Variants in POU2F3 observed in about 807,000 individuals in gnomAD.
The protein encoded by POU2F3 is POU domain, class 2, transcription factor 3.
POU2F3 carries 23 observed loss-of-function variants against 59.2 expected under a neutral mutation model. That is an observed-to-expected ratio of 0.39 (90% CI 0.28 to 0.55). The LOEUF is 0.55. POU2F3 is among the 20% of genes least tolerant of loss of function. POU2F3 has a pLI of 0.66. For synonymous variants in POU2F3, 190 were observed against 214.6 expected, an observed-to-expected ratio of 0.89 and a Z score of 1.00; for missense variants, 473 against 544.5, an observed-to-expected ratio of 0.87 and a Z score of 1.31.
chr11:120,307,806 G>A (rs1941540695), intron 9 of POU2F3, among the ~76,000 whole-genome samples, 191 bp downstream of exon 9: 1 of 152,080 alleles, frequency 6.6e-6, no homozygotes, highest in East Asian at 1.9e-4. Flanking sequence ...TCAGGTTCCA[G>A]GAACCTCCTC....
At chr11:120,264,190 T>A (rs912734772) in intron 2 of POU2F3, among the ~76,000 whole-genome samples, 131 of 133,128 alleles carry the variant, frequency 9.8e-4, no homozygotes, top group Non-Finnish European at 1.3e-3. Flanking sequence ...TAAGACCTCA[T>A]ACACACACAC....
At position 120,305,627 on chromosome 11, in the gene POU2F3, T is replaced by C. The variant is rs1941464927; in HGVS notation, c.628-17T>C. On this transcript the variant is annotated splice_polypyrimidine_tract_variant and intron_variant, in intron 7 of 12. Coordinates refer to ENST00000543440, the MANE Select transcript of POU2F3 (RefSeq NM_014352.4). Reference sequence around the variant, plus strand: ...AGGCTGCCTCTCATGTTCCTCCCCCTCGGTCCCCACGCTTAGGGAGATGTG... The same window carrying C: ...AGGCTGCCTCTCATGTTCCTCCCCCCCGGTCCCCACGCTTAGGGAGATGTG... 2 of 1,612,738 alleles carry C rather than the reference T, an allele frequency of 1.2e-6. No individual in the cohort carries two copies. The highest frequency in any genetic ancestry group is 1.7e-6 in the Non-Finnish European group (2 of 1,179,436).
intron 3 of POU2F3, among the ~76,000 whole-genome samples, chr11:120,289,797 C>T (rs1252532194): frequency 6.6e-6 from 1 of 152,206 alleles, no homozygotes; most frequent in Non-Finnish European, 1.5e-5. Context: ...ATTCCCTTTT[C>T]TCTAGCTATT....
chr11:120,318,432 C>G lies in POU2F3; in HGVS notation c.*40C>G. ...TCCTACTCCAGCTGGCCCTGTATTC[C>G]CCCTGGAAGGAAGGGAATCATGCCT... On this transcript the variant is annotated 3_prime_UTR_variant, in exon 13 of 13. Transcript: ENST00000543440. 1 of 1,537,124 alleles carries G rather than the reference C, an allele frequency of 6.5e-7. No homozygotes were observed. Among genetic ancestry groups the G allele is most frequent in the Non-Finnish European group, 9.0e-7 (1 of 1,110,166 alleles).
At chr11:120,300,280 A>G (rs1565383494) in intron 5 of POU2F3, among the ~76,000 whole-genome samples, 1 of 152,224 alleles carries the variant, frequency 6.6e-6, no homozygotes, top group Non-Finnish European at 1.5e-5. Context: ...TTTCTTGAGC[A>G]TGATGTGCCA....
chr11:120,276,870 G>A (rs1468770199), intron 3 of POU2F3, among the ~76,000 whole-genome samples: 1 of 151,814 alleles, frequency 6.6e-6, no homozygotes, highest in Non-Finnish European at 1.5e-5. Context: ...CCTCCTGGCC[G>A]GGTGCAGTGG....
intron 3 of POU2F3, among the ~76,000 whole-genome samples, chr11:120,288,535 T>G (rs1030256994): frequency 6.6e-6 from 1 of 152,148 alleles, no homozygotes; most frequent in African/African-American, 2.4e-5. Flanking sequence ...AACATGTGCC[T>G]TGGACAAATC....
At chr11:120,286,468 T>C (rs1940785566) in intron 3 of POU2F3, among the ~76,000 whole-genome samples, 2 of 152,234 alleles carry the variant, frequency 1.3e-5, no homozygotes, top group Admixed American at 1.3e-4. Context: ...ATTGTATTTA[T>C]TGAGCAGGTA....
chr11:120,244,937 C>T (rs148991084), intron 1 of POU2F3, among the ~76,000 whole-genome samples: 36 of 148,146 alleles, frequency 2.4e-4, no homozygotes, highest in South Asian at 1.3e-3. Flanking sequence ...CCTCCCTAAA[C>T]GCTGTGCACT....
intron 3 of POU2F3, among the ~76,000 whole-genome samples, chr11:120,284,729 A>G (rs1940714672): frequency 1.3e-5 from 2 of 152,212 alleles, no homozygotes; most frequent in African/African-American, 4.8e-5. Flanking sequence ...GACACATGAC[A>G]TCACTGTAAC....
intron 3 of POU2F3, among the ~76,000 whole-genome samples, chr11:120,297,264 G>A (rs1213756124): frequency 6.6e-6 from 1 of 152,334 alleles, no homozygotes; most frequent in South Asian, 2.1e-4. Context: ...TGAGGGGTAG[G>A]CACAAGCAGC....
intron 1 of POU2F3, among the ~76,000 whole-genome samples, chr11:120,242,482 G>T (rs976081652): frequency 6.6e-6 from 1 of 152,026 alleles, no homozygotes; most frequent in Non-Finnish European, 1.5e-5. Context: ...ATTTTCCCCC[G>T]CCAAGGTAAT....
At chr11:120,273,255 A>G (rs1940155306) in intron 3 of POU2F3, among the ~76,000 whole-genome samples, 1 of 152,262 alleles carries the variant, frequency 6.6e-6, no homozygotes, top group African/African-American at 2.4e-5. Context: ...ACCTTTGAAT[A>G]TGCAGCCATT....
chr11:120,264,233 A>ACACACACACACACAC (rs1939730065), intron 2 of POU2F3, among the ~76,000 whole-genome samples: 1 of 146,788 alleles, frequency 6.8e-6, no homozygotes, highest in African/African-American at 2.5e-5. Context: ...ACACACACAC[A>ACACACACACACACAC]ATTAGCTGAG....
rs943482083 is a variant in POU2F3 at position 120,240,152 on chromosome 11, C to T, written c.-192C>T. On this transcript the variant is annotated 5_prime_UTR_variant, in exon 1 of 13. Coordinates refer to ENST00000543440, the MANE Select transcript of POU2F3 (RefSeq NM_014352.4). The stretch of plus-strand genomic sequence containing the variant: ...TGCTCACCTGGGGAGTGTGGCAATC[C>T]TGGCGGCGCCGAGTGTTGCCCGGGC... 7.5e-6 allele frequency: 9 copies of T among 1,200,566 alleles called. No individual in the cohort carries two copies. The highest frequency in any genetic ancestry group is 4.5e-5 in the Admixed American group (1 of 22,350). The allele number at this position is 1,200,566 out of a possible 1,614,324, so 74.4% of individuals were successfully genotyped here.
Position 120,307,262 on chromosome 11 carries a change from A to G in POU2F3, c.770-217A>G, listed in dbSNP as rs114554633. On this transcript the variant is annotated intron_variant, in intron 8 of 12. Transcript: ENST00000543440. The stretch of plus-strand genomic sequence containing the variant: ...GGGTCACGGAGGGCCACAGAAGGCC[A>G]TGGAGGACAATGGAGGGCCACGGAG... Among the ~76,000 whole-genome samples, 1,055 of 152,324 alleles carry G rather than the reference A, an allele frequency of 6.9e-3. 15 individuals are homozygous for G. The highest frequency in any genetic ancestry group is 0.024 in the African/African-American group (985 of 41,584).
chr11:120,246,685 G>A (rs118125468), intron 2 of POU2F3, among the ~76,000 whole-genome samples, 168 bp downstream of exon 2: 4,290 of 152,280 alleles, frequency 0.028, 92 homozygotes, highest in Middle Eastern at 0.051. Flanking sequence ...TGATTCTGGA[G>A]CCTTTGAACA....
At chr11:120,289,620 GC>G (rs1940950154) in intron 3 of POU2F3, among the ~76,000 whole-genome samples, 1 of 152,118 alleles carries the variant, frequency 6.6e-6, no homozygotes, top group Non-Finnish European at 1.5e-5. Context: ...GGAAGAGAAA[GC>G]CCCGTTTCAC....
At chr11:120,302,203 C>T (rs1472723466) in intron 5 of POU2F3, 83 bp from the exon 6 acceptor site, 21 of 1,218,368 alleles carry the variant, frequency 1.7e-5, no homozygotes, top group South Asian at 2.8e-5. Context: ...GGACAGTGAT[C>T]GTGGTGCCAA....
Sources: allele counts gnomAD v4.1 joint callset (sites outside exome capture counted in the v4.1 genomes callset), GRCh38; gene constraint gnomAD v4.1.1; transcripts MANE v1.5; gene names NCBI Gene and HGNC (gene_info 2026-07-23, HGNC 2026-07-21).